The following HECW1 variants were observed in gnomAD, a reference collection of about 807,000 sequenced individuals.
HECW1 encodes the protein E3 ubiquitin-protein ligase HECW1.
HECW1 carries 61 observed loss-of-function variants against 182.3 expected under a neutral mutation model. The observed-to-expected ratio is 0.33, with a 90% CI of 0.27 to 0.41. The LOEUF is 0.41. HECW1 is among the 10% of genes least tolerant of loss of function. The pLI is 1.00. For synonymous variants in HECW1, 859 were observed against 832.6 expected, an observed-to-expected ratio of 1.03 and a Z score of -0.55; for missense variants, 1,739 against 2,108.9, an observed-to-expected ratio of 0.82 and a Z score of 3.44.
At chr7:43,145,471 T>G (rs1317920974) in intron 2 of HECW1, among the ~76,000 whole-genome samples, 3 of 152,116 alleles carry the variant, frequency 2.0e-5, no homozygotes, top group Admixed American at 1.3e-4. Context: ...AATTTTTGTA[T>G]TTTTTTGTAG....
In HECW1 at chr7:43,550,501, CAA is replaced by C; in HGVS notation, c.4306_4307del (p.Lys1436GlufsTer40). ...GANTQVTEKNKKEYIERMVKW... is the reference protein window; with the variant it reads ...GANTQVTEKNXKEYIERMVKW... Reference sequence around the variant, plus strand: ...CCAACACACAGGTGACGGAGAAAAACAAGAAGGAGTACATCGAGCGCATGGTG... The same window carrying C: ...CCAACACACAGGTGACGGAGAAAAACGAAGGAGTACATCGAGCGCATGGTG... On this transcript the variant is annotated frameshift_variant, in exon 27 of 30. Coordinates refer to ENST00000395891, the MANE Select transcript of HECW1 (RefSeq NM_015052.5). LOFTEE classifies it high-confidence loss of function. 1 of 1,614,094 alleles carries C rather than the reference CAA, an allele frequency of 6.2e-7. No homozygotes were observed. Among genetic ancestry groups the C allele is most frequent in the Non-Finnish European group, 8.5e-7 (1 of 1,179,990 alleles).
chr7:43,277,460 G>A (rs1803301066), intron 3 of HECW1, among the ~76,000 whole-genome samples: 1 of 152,168 alleles, frequency 6.6e-6, no homozygotes, highest in African/African-American at 2.4e-5. Context: ...AGATAAGAGG[G>A]ATGAGGAAGG....
intron 3 of HECW1, among the ~76,000 whole-genome samples, chr7:43,292,836 G>A (rs940272776): frequency 1.3e-5 from 2 of 152,228 alleles, no homozygotes; most frequent in African/African-American, 4.8e-5. Flanking sequence ...AGAGGGTTGT[G>A]ACTGCAAGTT....
chr7:43,522,991 G>A (rs184060411), intron 24 of HECW1: 67 of 436,688 alleles, frequency 1.5e-4, no homozygotes, highest in Non-Finnish European at 2.4e-4. Context: ...TCCAAAGGTA[G>A]TTCTGCTTGT....
At chr7:43,281,167 G>A (rs1269247957) in intron 3 of HECW1, among the ~76,000 whole-genome samples, 1 of 152,166 alleles carries the variant, frequency 6.6e-6, no homozygotes, top group East Asian at 1.9e-4. Flanking sequence ...GAGCACTGCT[G>A]AGAGTCCCTT....
intron 2 of HECW1, among the ~76,000 whole-genome samples, chr7:43,237,995 C>T: frequency 6.6e-6 from 1 of 152,104 alleles, no homozygotes; most frequent in East Asian, 1.9e-4. Flanking sequence ...TAATTCTGCC[C>T]CATCATATTG....
At chr7:43,233,949 C>A (rs77737235) in intron 2 of HECW1, among the ~76,000 whole-genome samples, 6 of 152,184 alleles carry the variant, frequency 3.9e-5, no homozygotes, top group Non-Finnish European at 8.8e-5. Flanking sequence ...GCTTCTGGTA[C>A]GGGAAAGATA....
rs1814729427 is a variant in HECW1, at chr7:43,353,627, GCC to G, written c.461-7256_461-7255del. 4.2e-5 allele frequency among the ~76,000 whole-genome samples: 5 copies of G among 119,800 alleles called. No individual in the cohort carries two copies. The East Asian group carries it at 1.0e-3, about 24-fold the overall frequency. 78.6% of individuals were successfully genotyped at this position (119,800 alleles called of 152,430 possible). On this transcript the variant is annotated intron_variant, in intron 5 of 29. Coordinates refer to ENST00000395891, the MANE Select transcript of HECW1 (RefSeq NM_015052.5). ...AGAATCAGACTTCCATATCCACAAT[GCC>G]CCTCCCTCCCCTCAATCTACCTGGC...
At chr7:43,393,852 C>A (rs1349773712) in intron 6 of HECW1, among the ~76,000 whole-genome samples, 1 of 152,074 alleles carries the variant, frequency 6.6e-6, no homozygotes, top group Non-Finnish European at 1.5e-5. Flanking sequence ...TGTTTGAGCT[C>A]ATTTCAGCTT....
At chr7:43,511,945 C>T (rs1382029416) in intron 24 of HECW1, 4 of 195,342 alleles carry the variant, frequency 2.0e-5, no homozygotes, top group Non-Finnish European at 3.2e-5. Context: ...TTCTGCAGCC[C>T]GCAGGTCCAT....
At chr7:43,455,520 A>AG (rs2077371708) in intron 12 of HECW1, among the ~76,000 whole-genome samples, 1 of 152,346 alleles carries the variant, frequency 6.6e-6, no homozygotes, top group Admixed American at 6.5e-5. Context: ...GACTTAGCAA[A>AG]GAAAGCATTC....
chr7:43,367,295 A>G (rs1365432484), intron 6 of HECW1, among the ~76,000 whole-genome samples: 2 of 152,224 alleles, frequency 1.3e-5, no homozygotes. Context: ...TTTTTGCAGC[A>G]TATCACCAAT....
At chr7:43,531,287 G>T (rs575322553) in intron 24 of HECW1, among the ~76,000 whole-genome samples, 1 of 152,294 alleles carries the variant, frequency 6.6e-6, no homozygotes, top group African/African-American at 2.4e-5. Flanking sequence ...GCCAAGCTAT[G>T]CTTCCTCCCC....
At chr7:43,341,516 G>A (rs985636741) in intron 5 of HECW1, among the ~76,000 whole-genome samples, 1 of 151,564 alleles carries the variant, frequency 6.6e-6, no homozygotes, top group Non-Finnish European at 1.5e-5. Flanking sequence ...ACTTCAAAAA[G>A]AAGTTGCAAT....
At chr7:43,258,335 T>G (rs1800803598) in intron 3 of HECW1, among the ~76,000 whole-genome samples, 1 of 148,836 alleles carries the variant, frequency 6.7e-6, no homozygotes, top group Non-Finnish European at 1.5e-5. Context: ...AGAGTGAGAC[T>G]CCATCTCAAA....
At chr7:43,407,785 G>C in intron 8 of HECW1, 54 bp downstream of exon 8, 1 of 1,467,322 alleles carries the variant, frequency 6.8e-7, no homozygotes, top group East Asian at 2.3e-5. Flanking sequence ...AGGGCTGACT[G>C]TGAACCAGCC....
chr7:43,312,487 T>C (rs151129677), intron 4 of HECW1, among the ~76,000 whole-genome samples: 1 of 152,382 alleles, frequency 6.6e-6, no homozygotes, highest in East Asian at 1.9e-4. Context: ...TCCAGCATAA[T>C]CTTTGCCAGC....
At chr7:43,135,230 A>G (rs1198807809) in intron 2 of HECW1, among the ~76,000 whole-genome samples, 4 of 152,156 alleles carry the variant, frequency 2.6e-5, no homozygotes, top group African/African-American at 9.7e-5. Flanking sequence ...GTCATATGAC[A>G]TATTTGAATC....
chr7:43,312,648 A>G (rs1338802418), intron 4 of HECW1, among the ~76,000 whole-genome samples: 1 of 152,246 alleles, frequency 6.6e-6, no homozygotes, highest in Non-Finnish European at 1.5e-5. Context: ...AAAGTTTACT[A>G]GAAGAAATTG....
Sources: allele counts gnomAD v4.1 joint callset (sites outside exome capture counted in the v4.1 genomes callset), GRCh38; gene constraint gnomAD v4.1.1; transcripts MANE v1.5; gene names NCBI Gene and HGNC (gene_info 2026-07-23, HGNC 2026-07-21).